The following ADGRL3 variants were observed in gnomAD, a reference collection of about 807,000 sequenced individuals.
ADGRL3 encodes adhesion G protein-coupled receptor L3, also known as calcium-independent alpha-latrotoxin receptor 3.
ADGRL3 carries 62 observed loss-of-function variants against 153.5 expected under a neutral mutation model. The ratio of observed to expected loss-of-function variants is 0.40; its 90% CI spans 0.33 to 0.50. ADGRL3 has a LOEUF of 0.50. Among genes scored for constraint, ADGRL3 ranks in the 20% least tolerant of loss-of-function variants. ADGRL3 has a pLI of 0.47. For missense variants in ADGRL3, 1,641 were observed against 1,859.4 expected (o/e 0.88, Z 2.16); for synonymous variants, 710 against 672.5 (o/e 1.06, Z -0.86).
intron 5 of ADGRL3, among the ~76,000 whole-genome samples, chr4:61,676,135 C>A (rs1239884662): frequency 4.0e-5 from 6 of 151,710 alleles, no homozygotes. Flanking sequence ...TGTCATTATT[C>A]TTTTTATAAA....
chr4:61,218,115 TAATAA>T (rs1743708418), intron 1 of ADGRL3, among the ~76,000 whole-genome samples: 1 of 152,216 alleles, frequency 6.6e-6, no homozygotes, highest in East Asian at 1.9e-4. Context: ...TATTTAATAC[TAATAA>T]AATAATAGTG....
chr4:61,831,266 C>T (rs568809849), intron 9 of ADGRL3, among the ~76,000 whole-genome samples: 2 of 151,878 alleles, frequency 1.3e-5, no homozygotes, highest in Non-Finnish European at 2.9e-5. Flanking sequence ...ATTGTCATGA[C>T]CGATGGCACT....
intron 1 of ADGRL3, among the ~76,000 whole-genome samples, chr4:61,300,871 T>C (rs1304432353): frequency 2.0e-5 from 3 of 151,514 alleles, no homozygotes; most frequent in Non-Finnish European, 4.4e-5. Context: ...GTTCAAGCAA[T>C]TGTCTGCCAC....
At chr4:62,053,775 T>A (rs1360077460) in intron 25 of ADGRL3, among the ~76,000 whole-genome samples, 1 of 151,590 alleles carries the variant, frequency 6.6e-6, no homozygotes, top group Non-Finnish European at 1.5e-5. Context: ...TTTTCAAATA[T>A]AGCTTCCAAT....
At chr4:62,060,572 A>G (rs1739530046) in intron 25 of ADGRL3, among the ~76,000 whole-genome samples, 2 of 152,022 alleles carry the variant, frequency 1.3e-5, no homozygotes, top group Non-Finnish European at 2.9e-5. Flanking sequence ...TTACTTTTTT[A>G]CTTGAAAAAG....
intron 1 of ADGRL3, among the ~76,000 whole-genome samples, chr4:61,300,729 T>G (rs577868919): frequency 2.6e-5 from 4 of 151,998 alleles, no homozygotes; most frequent in African/African-American, 9.6e-5. Context: ...AGTTTGTCCC[T>G]AATGCTTAAG....
chr4:61,883,519 T>C (rs766905576), intron 9 of ADGRL3, among the ~76,000 whole-genome samples: 3 of 152,184 alleles, frequency 2.0e-5, no homozygotes, highest in Non-Finnish European at 4.4e-5. Context: ...TAAATACAAG[T>C]ATATTATTAT....
At chr4:61,257,741 G>T (rs914456006) in intron 1 of ADGRL3, among the ~76,000 whole-genome samples, 2 of 152,082 alleles carry the variant, frequency 1.3e-5, no homozygotes, top group African/African-American at 4.8e-5. Flanking sequence ...TGTTAATATG[G>T]TATCAGTGAT....
rs1274014393 is a variant in ADGRL3 at position 61,241,704 on chromosome 4, T to TGG, written c.-240+39939_-240+39940insGG. Among the ~76,000 whole-genome samples, 14 of 152,064 alleles carry TGG rather than the reference T, an allele frequency of 9.2e-5. No individual in the cohort carries two copies. The East Asian group carries it at 2.5e-3, about 27-fold the overall frequency. On this transcript the variant is annotated intron_variant, in intron 1 of 26. Coordinates refer to ENST00000683033, the MANE Select transcript of ADGRL3 (RefSeq NM_001387552.1). ...CAATATTTATCACTTGTTTACAACT[T>TGG]AATGTATAAACCTTTTTACTTGTGA...
chr4:61,495,501 G>A (rs1382912618), intron 2 of ADGRL3, among the ~76,000 whole-genome samples: 1 of 151,060 alleles, frequency 6.6e-6, no homozygotes, highest in Non-Finnish European at 1.5e-5. Context: ...AAGGGGAAGG[G>A]AAGGGAAGGA....
At chr4:61,268,819 T>C (rs1227054718) in intron 1 of ADGRL3, among the ~76,000 whole-genome samples, 1 of 151,596 alleles carries the variant, frequency 6.6e-6, no homozygotes, top group Non-Finnish European at 1.5e-5. Flanking sequence ...TATGATCAAG[T>C]TGTTAAGATG....
chr4:61,336,101 A>G (rs2095669043), intron 1 of ADGRL3, among the ~76,000 whole-genome samples: 1 of 152,182 alleles, frequency 6.6e-6, no homozygotes, highest in Non-Finnish European at 1.5e-5. Context: ...TTCTACATGT[A>G]CTTATTTATT....
intron 1 of ADGRL3, among the ~76,000 whole-genome samples, chr4:61,330,708 CA>C (rs1434325519): frequency 1.3e-5 from 2 of 152,180 alleles, no homozygotes; most frequent in Non-Finnish European, 2.9e-5. Context: ...AGCGAAAGAA[CA>C]AAGCTTCCAC....
At chr4:61,856,230 A>G (rs2098262190) in intron 9 of ADGRL3, among the ~76,000 whole-genome samples, 1 of 151,864 alleles carries the variant, frequency 6.6e-6, no homozygotes, top group Non-Finnish European at 1.5e-5. Flanking sequence ...ATAAATAAAA[A>G]TTTCAAGGAA....
chr4:61,346,358 A>C (rs2095907247), intron 1 of ADGRL3, among the ~76,000 whole-genome samples: 1 of 150,214 alleles, frequency 6.7e-6, no homozygotes, highest in Admixed American at 6.7e-5. Flanking sequence ...TGTCAGAAGT[A>C]GATGGCTTGT....
At chr4:61,654,890 C>A (rs1378553829) in intron 5 of ADGRL3, among the ~76,000 whole-genome samples, 3 of 152,032 alleles carry the variant, frequency 2.0e-5, no homozygotes, top group African/African-American at 7.2e-5. Flanking sequence ...GAGCGAGACT[C>A]CATCTCAAAA....
chr4:61,691,963 G>C (rs570959739), intron 6 of ADGRL3, among the ~76,000 whole-genome samples: 4 of 152,094 alleles, frequency 2.6e-5, no homozygotes, highest in Non-Finnish European at 5.9e-5. Flanking sequence ...GTGGAAGCTA[G>C]AATGACTTAG....
intron 1 of ADGRL3, among the ~76,000 whole-genome samples, chr4:61,270,476 G>A (rs1425497186): frequency 6.6e-6 from 1 of 151,616 alleles, no homozygotes; most frequent in African/African-American, 2.4e-5. Context: ...AAAAAAACCT[G>A]CTTATTTGAA....
chr4:61,740,400 T>G (rs548364911), intron 8 of ADGRL3, among the ~76,000 whole-genome samples: 1 of 152,314 alleles, frequency 6.6e-6, no homozygotes, highest in African/African-American at 2.4e-5. Flanking sequence ...GTCAGATAGT[T>G]GCATCACTTA....
Sources: allele counts gnomAD v4.1 joint callset (sites outside exome capture counted in the v4.1 genomes callset), GRCh38; gene constraint gnomAD v4.1.1; transcripts MANE v1.5; gene names NCBI Gene and HGNC (gene_info 2026-07-23, HGNC 2026-07-21).